Variants in THAP8 observed in about 807,000 individuals in gnomAD.
THAP8 encodes the protein THAP domain containing 8.
A neutral mutation model predicts 25.0 loss-of-function variants in THAP8; 24 were observed. The ratio of observed to expected loss-of-function variants is 0.96; its 90% CI spans 0.69 to 1.35. The LOEUF is 1.35. THAP8 is among the 40% of genes most tolerant of loss of function. The pLI is 0.00. For missense variants in THAP8, 399 were observed against 368.8 expected (o/e 1.08, Z -0.67); for synonymous variants, 169 against 157.6 (o/e 1.07, Z -0.54).
chr19:36,054,583 A>T, upstream of THAP8: 2 of 539,886 alleles, frequency 3.7e-6, no homozygotes, highest in Non-Finnish European at 6.7e-6. Flanking sequence ...CCCTACGCCT[A>T]CATCCGGGCA....
Position 36,035,375 on chromosome 19 carries a change from C to T in THAP8, c.*65G>A, listed in dbSNP as rs1347430543. 3 of 1,549,116 alleles carry T rather than the reference C, an allele frequency of 1.9e-6. No individual in the cohort carries two copies. The African/African-American group carries it at 4.2e-5, about 22-fold the overall frequency. ...GTGGGCGGTGGGGCTGGGCCAAGCC[C>T]ACGTATAATGTCTTTCCTCCTCCAT... On this transcript the variant is annotated 3_prime_UTR_variant, in exon 4 of 4. Transcript: ENST00000292894.
chr19:36,046,038 T>C (rs1212445266), intron 1 of THAP8: 2 of 371,954 alleles, frequency 5.4e-6, no homozygotes, highest in Non-Finnish European at 1.1e-5. Flanking sequence ...ACTATGGTAA[T>C]GTGGTTTGGC....
chr19:36,039,905 G>A (rs371760201), intron 2 of THAP8, 39 bp downstream of exon 2: 29 of 1,610,066 alleles, frequency 1.8e-5, no homozygotes, highest in Non-Finnish European at 2.3e-5. Context: ...AGGGAGGTCT[G>A]GGGGTTGGAT....
intron 1 of THAP8, among the ~76,000 whole-genome samples, chr19:36,052,292 C>T (rs547073257): frequency 6.6e-6 from 1 of 152,350 alleles, no homozygotes; most frequent in East Asian, 1.9e-4. Flanking sequence ...ATCTGCCCGC[C>T]TTGGCCTCCC....
intron 1 of THAP8, among the ~76,000 whole-genome samples, chr19:36,053,883 C>G (rs1319569636): frequency 1.3e-5 from 2 of 152,098 alleles, no homozygotes; most frequent in Non-Finnish European, 1.5e-5. Flanking sequence ...GCACCGACTT[C>G]ACTTCTTACA....
chr19:36,040,049 C>A lies in THAP8; in HGVS notation c.171G>T (p.Leu57Phe). 1 of 1,613,746 alleles carries A rather than the reference C, an allele frequency of 6.2e-7. No homozygotes were observed. ...AGGAGGGTGTGAAGTGCTCGCTGCA[C>A]AAGTGCTGGTGGCAGCTGGGCACCC... The part of the protein sequence containing the change: ...EHWVPSCHQH[L>F]CSEHFTPSCF... Residue 57 changes from leucine to phenylalanine, a missense_variant, in exon 2 of 4, where the codon TTG becomes TTT. By Grantham distance (22) the Leu-to-Phe change is conservative. Coordinates refer to ENST00000292894, the MANE Select transcript of THAP8 (RefSeq NM_152658.3).
chr19:36,042,420 C>T (rs1969725453), intron 1 of THAP8, among the ~76,000 whole-genome samples: 2 of 152,072 alleles, frequency 1.3e-5, no homozygotes, highest in Admixed American at 1.3e-4. Context: ...TCACTTGAGC[C>T]CAGGTGTTCA....
At chr19:36,037,581 C>T (rs561172378) in intron 3 of THAP8, among the ~76,000 whole-genome samples, 3 of 152,222 alleles carry the variant, frequency 2.0e-5, no homozygotes, top group African/African-American at 7.2e-5. Context: ...CTGCTCTGTG[C>T]CTCCATTTTT....
intron 1 of THAP8, among the ~76,000 whole-genome samples, chr19:36,047,303 G>A (rs999164785): frequency 1.3e-5 from 2 of 152,176 alleles, no homozygotes; most frequent in African/African-American, 4.8e-5. Context: ...ACAATTCCCA[G>A]CCTCTTTTCC....
At position 36,054,115 on chromosome 19, in the gene THAP8, C is replaced by T. The variant is rs944248351; in HGVS notation, c.83+20G>A. ...CTCAGGGTCCCGCCTCCCTCAAGCC[C>T]CGCCCCGCGCTGCGCTCACTTGTAG... On this transcript the variant is annotated intron_variant, in intron 1 of 3. Transcript: ENST00000292894. The T allele has an allele frequency of 6.2e-7, 1 of 1,609,908 alleles. No individual in the cohort carries two copies. The highest frequency in any genetic ancestry group is 1.3e-5 in the African/African-American group (1 of 75,010).
chr19:36,049,023 GTCCCCCA>G (rs951705928), intron 1 of THAP8, among the ~76,000 whole-genome samples: 1 of 151,716 alleles, frequency 6.6e-6, no homozygotes, highest in African/African-American at 2.4e-5. Flanking sequence ...TAAGTGATAG[GTCCCCCA>G]TAAGAGATGA....
Position 36,039,542 on chromosome 19 carries a change from C to A in THAP8, c.453G>T (p.Leu151=). 1 of 1,535,656 alleles carries A rather than the reference C, an allele frequency of 6.5e-7. No individual in the cohort carries two copies. The highest frequency in any genetic ancestry group is 2.0e-5 in the Admixed American group (1 of 49,498). The change falls in exon 3 of 4, where the codon CTG becomes CTT. Residue 151 remains leucine (L), a synonymous_variant. Coordinates refer to ENST00000292894, the MANE Select transcript of THAP8 (RefSeq NM_152658.3). The part of the protein sequence containing the change: ...KTVATMLLTP[L]APAPTPERSQ... ...ACCGCTCAGGAGTTGGCGCAGGGGC[C>A]AGGGGGGTCAGGAGCATGGTGGCCA...
chr19:36,042,085 G>A (rs533164475), intron 1 of THAP8, among the ~76,000 whole-genome samples: 1 of 151,036 alleles, frequency 6.6e-6, no homozygotes, highest in East Asian at 2.0e-4. Context: ...AGGGGAAGGG[G>A]AAGGGGGAGG....
intron 1 of THAP8, chr19:36,045,902 A>G (rs1290077181): frequency 2.2e-6 from 1 of 456,482 alleles, no homozygotes; most frequent in Non-Finnish European, 4.4e-6. Flanking sequence ...TGGCCTCTAG[A>G]ACTGTTAGAA....
intron 1 of THAP8, among the ~76,000 whole-genome samples, chr19:36,052,183 T>C (rs1970074816): frequency 6.6e-6 from 1 of 152,154 alleles, no homozygotes; most frequent in South Asian, 2.1e-4. Flanking sequence ...TAGCTGGGAT[T>C]ACAGGCATGT....
chr19:36,039,947 G>A lies in THAP8; in HGVS notation c.273C>T (p.Ala91=). The A allele has an allele frequency of 6.2e-7, 1 of 1,612,810 alleles. No individual in the cohort carries two copies. The highest frequency in any genetic ancestry group is 8.5e-7 in the Non-Finnish European group (1 of 1,179,884). Residue 91 remains alanine (A), a synonymous_variant, in exon 2 of 4, where the codon GCC becomes GCT. Coordinates refer to ENST00000292894, the MANE Select transcript of THAP8 (RefSeq NM_152658.3). ...AGCAGGACCTCCCAGCGCTCACCTT[G>A]GCAGGTGGTCCCCGGGAGAAGATGG... is the stretch of plus-strand genomic sequence containing the variant. ...VPSIFSRGPP[A]KSQRRTRSTQ... is the part of the protein sequence containing the mutation.
At chr19:36,043,191 G>A (rs187865410) in intron 1 of THAP8, among the ~76,000 whole-genome samples, 21 of 152,228 alleles carry the variant, frequency 1.4e-4, no homozygotes, top group Admixed American at 1.2e-3. Flanking sequence ...GCCTCCCAAA[G>A]TGCTGGGATT....
At chr19:36,041,147 CAA>C (rs748148358) in intron 1 of THAP8, among the ~76,000 whole-genome samples, 11 of 106,290 alleles carry the variant, frequency 1.0e-4, no homozygotes, top group African/African-American at 7.0e-5. Context: ...CTCGACTCTA[CAA>C]AAAAAAAAAA....
chr19:36,035,870 A>C (rs1260589355), intron 3 of THAP8, among the ~76,000 whole-genome samples: 1 of 152,104 alleles, frequency 6.6e-6, no homozygotes, highest in Non-Finnish European at 1.5e-5. Context: ...ACAGACGTAC[A>C]GACAGGGTCA....
Sources: gnomAD v4.1 joint callset for allele counts (sites outside exome capture counted in the v4.1 genomes callset) on GRCh38, gnomAD v4.1.1 for gene constraint, MANE v1.5 for transcripts, NCBI Gene and HGNC (gene_info 2026-07-23, HGNC 2026-07-21) for gene names.